The following ERC2 variants were observed in gnomAD, a reference collection of about 807,000 sequenced individuals.
ERC2 encodes ERC protein 2.
In ERC2, 42 loss-of-function variants were observed where a neutral mutation model predicts 114.8. The ratio of observed to expected loss-of-function variants is 0.37; its 90% CI spans 0.29 to 0.47. The LOEUF (loss-of-function observed/expected upper bound fraction) is 0.47, where lower values mean the gene tolerates loss of function less well. ERC2 is among the 20% of genes least tolerant of loss of function. The pLI is 0.99. For missense variants in ERC2, 939 were observed against 1,150.7 expected, an observed-to-expected ratio of 0.82 and a Z score of 2.66; for synonymous variants, 454 against 425.5, an observed-to-expected ratio of 1.07 and a Z score of -0.82.
chr3:55,577,530 G>A (rs1442758204), intron 17 of ERC2, among the ~76,000 whole-genome samples: 6 of 152,178 alleles, frequency 3.9e-5, no homozygotes, highest in Non-Finnish European at 2.9e-5. Flanking sequence ...CATAAACACT[G>A]GATCACAGCA....
chr3:56,407,006 C>A (rs1034304084), intron 2 of ERC2, among the ~76,000 whole-genome samples: 1 of 152,068 alleles, frequency 6.6e-6, no homozygotes, highest in African/African-American at 2.4e-5. Context: ...GTAATTTCTG[C>A]TTGGAAATTT....
At chr3:55,879,466 T>G (rs1487854135) in intron 14 of ERC2, among the ~76,000 whole-genome samples, 1 of 152,174 alleles carries the variant, frequency 6.6e-6, no homozygotes, top group Non-Finnish European at 1.5e-5. Flanking sequence ...TTCTTGGACT[T>G]CTCTGGACCT....
At chr3:56,038,325 T>C (rs2074933792) in intron 7 of ERC2, among the ~76,000 whole-genome samples, 1 of 151,858 alleles carries the variant, frequency 6.6e-6, no homozygotes, top group Non-Finnish European at 1.5e-5. Flanking sequence ...AACAAACATA[T>C]GAAAAAAAGC....
rs573489684 is a variant in ERC2 at position 56,050,737 on chromosome 3, G to A, written c.1641+30080C>T. On this transcript the variant is annotated intron_variant, in intron 7 of 17. Transcript: ENST00000288221. ...AACTGCAGTCAGGTTATTAACTCTG[G>A]AATCTTAGCTTGACTTTTGTTTACT... Among the ~76,000 whole-genome samples, 4 of 152,206 alleles carry A rather than the reference G, an allele frequency of 2.6e-5. No individual in the cohort carries two copies. In the South Asian group the frequency reaches 8.3e-4, roughly 32 times the overall value.
At position 56,405,775 on chromosome 3, in the gene ERC2, T is replaced by C. The variant is rs1268182454; in HGVS notation, c.657+28576A>G. Among the ~76,000 whole-genome samples the C allele has an allele frequency of 2.0e-5, 3 of 152,272 alleles. No individual in the cohort carries two copies. The East Asian group carries it at 5.8e-4, about 29-fold the overall frequency. ...TCCACTATTGGATATTTAGGTTAGT[T>C]CCCATCTTTTATCAATATTTAACAT... On this transcript the variant is annotated intron_variant, in intron 2 of 17. Transcript: ENST00000288221.
chr3:55,998,005 T>A lies in ERC2; in HGVS notation c.2062-5755A>T, dbSNP rs534571925. Among the ~76,000 whole-genome samples, 3 of 146,664 alleles carry A rather than the reference T, an allele frequency of 2.0e-5. No homozygotes were observed. In the South Asian group the frequency reaches 6.5e-4, roughly 32 times the overall value. On this transcript the variant is annotated intron_variant, in intron 10 of 17. Transcript: ENST00000288221. The stretch of plus-strand genomic sequence containing the variant: ...GTCTCCAACTCCTGAGCTCAAGTGA[T>A]CCTCCAGCCCTGACCTCCCAAAGTG...
chr3:56,351,569 A>G (rs562604175), intron 2 of ERC2, among the ~76,000 whole-genome samples: 1 of 152,226 alleles, frequency 6.6e-6, no homozygotes, highest in African/African-American at 2.4e-5. Context: ...TAAGCAGCTC[A>G]TTACATGTTC....
intron 16 of ERC2, among the ~76,000 whole-genome samples, chr3:55,693,396 C>T (rs2062761123): frequency 6.6e-6 from 1 of 152,116 alleles, no homozygotes; most frequent in Admixed American, 6.5e-5. Context: ...CTTACATGTT[C>T]AGAGGCTCAG....
Position 56,148,972 on chromosome 3 carries a change from C to T in ERC2, c.1305+5G>A, listed in dbSNP as rs766918070. On this transcript the variant is annotated splice_donor_5th_base_variant and intron_variant, in intron 5 of 17. Coordinates refer to ENST00000288221, the MANE Select transcript of ERC2 (RefSeq NM_015576.3). ...AACATAAAAGTTTATAACCCTGGAC[C>T]GTACCTTGGTCTTCATAAACTTGGA... 3.1e-6 allele frequency: 5 copies of T among 1,612,548 alleles called. No individual in the cohort carries two copies. The highest frequency in any genetic ancestry group is 2.2e-5 in the East Asian group (1 of 44,832).
At chr3:56,269,615 T>G (rs1172827861) in intron 3 of ERC2, among the ~76,000 whole-genome samples, 3 of 152,082 alleles carry the variant, frequency 2.0e-5, no homozygotes. Context: ...AAGTGGACAT[T>G]AAAAGTTCAT....
At chr3:55,968,386 A>T (rs1559949444) in intron 12 of ERC2, among the ~76,000 whole-genome samples, 1 of 152,236 alleles carries the variant, frequency 6.6e-6, no homozygotes. Flanking sequence ...TTTCTGATAT[A>T]GATTTAGAAA....
At position 55,642,831 on chromosome 3, in the gene ERC2, T is replaced by G. The variant is rs73830701; in HGVS notation, c.*39+40963A>C. On this transcript the variant is annotated intron_variant, in intron 17 of 17. Coordinates refer to ENST00000288221, the MANE Select transcript of ERC2 (RefSeq NM_015576.3). ...TGTTTTACTCTCAAGACTAAGCAGT[T>G]CAGAAATAGATGAGGGGCAATATTT... 7.3e-3 allele frequency among the ~76,000 whole-genome samples: 1,108 copies of G among 152,272 alleles called. 17 individuals carry two copies. Among genetic ancestry groups the G allele is most frequent in the African/African-American group, 0.025 (1,048 of 41,550 alleles).
At chr3:56,417,161 T>A (rs1052146488) in intron 2 of ERC2, among the ~76,000 whole-genome samples, 2 of 152,216 alleles carry the variant, frequency 1.3e-5, no homozygotes, top group African/African-American at 4.8e-5. Flanking sequence ...TGGATTAATA[T>A]ATATAGCTTG....
At chr3:55,941,464 T>C (rs992508006) in intron 13 of ERC2, among the ~76,000 whole-genome samples, 2 of 152,136 alleles carry the variant, frequency 1.3e-5, no homozygotes, top group Admixed American at 1.3e-4. Flanking sequence ...CCAGAGCAAC[T>C]GATAGGGACT....
At chr3:56,249,198 G>A (rs977525064) in intron 3 of ERC2, among the ~76,000 whole-genome samples, 21 of 152,166 alleles carry the variant, frequency 1.4e-4, no homozygotes, top group Non-Finnish European at 2.9e-4. Context: ...ACCTTACAAG[G>A]ATGCATATGC....
chr3:56,357,936 T>C (rs942188818), intron 2 of ERC2, among the ~76,000 whole-genome samples: 3 of 151,446 alleles, frequency 2.0e-5, no homozygotes, highest in Admixed American at 1.3e-4. Context: ...TCAAACGACA[T>C]CATCCTTATA....
At chr3:56,283,800 T>C (rs999277716) in intron 3 of ERC2, among the ~76,000 whole-genome samples, 1 of 152,178 alleles carries the variant, frequency 6.6e-6, no homozygotes, top group African/African-American at 2.4e-5. Flanking sequence ...GGACAAGCGG[T>C]ACAAAAAGAA....
chr3:56,260,211 A>G (rs574012706), intron 3 of ERC2, among the ~76,000 whole-genome samples: 8 of 152,174 alleles, frequency 5.3e-5, no homozygotes, highest in Non-Finnish European at 1.2e-4. Context: ...AGCAAGCTCT[A>G]TGAGAATGTT....
chr3:55,923,102 C>T (rs2065529466), intron 13 of ERC2, among the ~76,000 whole-genome samples: 1 of 152,080 alleles, frequency 6.6e-6, no homozygotes, highest in Non-Finnish European at 1.5e-5. Flanking sequence ...GAGCATGATT[C>T]ACAATAGCCA....
Sources: allele counts gnomAD v4.1 joint callset (sites outside exome capture counted in the v4.1 genomes callset), GRCh38; gene constraint gnomAD v4.1.1; transcripts MANE v1.5; gene names NCBI Gene and HGNC (gene_info 2026-07-23, HGNC 2026-07-21).